SGMS1: variants seen among roughly 807,000 people sequenced by gnomAD.
SGMS1 encodes sphingomyelin synthase 1.
Under a neutral mutation model 46.2 loss-of-function variants are expected in SGMS1, and 13 were observed. The observed-to-expected ratio is 0.28, with a 90% CI of 0.18 to 0.45. The LOEUF is 0.45. SGMS1 is among the 20% of genes least tolerant of loss of function. The probability of loss-of-function intolerance (pLI) is 1.00; values close to 1 mark genes in which losing one functional copy is unlikely to be tolerated. For missense variants in SGMS1, 324 were observed against 519.9 expected, an observed-to-expected ratio of 0.62 and a Z score of 3.66; for synonymous variants, 203 against 187.8, an observed-to-expected ratio of 1.08 and a Z score of -0.66.
chr10:50,456,744 G>A (rs1588837117), intron 5 of SGMS1, among the ~76,000 whole-genome samples: 1 of 152,316 alleles, frequency 6.6e-6, no homozygotes. Context: ...AAGTAGTAAA[G>A]CCAACTAGGA....
chr10:50,464,484 G>A (rs2133691387), intron 4 of SGMS1, among the ~76,000 whole-genome samples: 1 of 152,352 alleles, frequency 6.6e-6, no homozygotes, highest in South Asian at 2.1e-4. Context: ...CCAGGCTGGA[G>A]TGCAGTGGCA....
At chr10:50,446,840 T>C (rs1049284765) in intron 5 of SGMS1, among the ~76,000 whole-genome samples, 1 of 152,222 alleles carries the variant, frequency 6.6e-6, no homozygotes, top group Admixed American at 6.5e-5. Flanking sequence ...GTATAAATTA[T>C]ACCTAAATTT....
At chr10:50,556,029 G>A (rs1838186597) in intron 2 of SGMS1, among the ~76,000 whole-genome samples, 1 of 152,096 alleles carries the variant, frequency 6.6e-6, no homozygotes, top group Admixed American at 6.6e-5. Context: ...CATTCCCAAA[G>A]GAGATGCATC....
At chr10:50,401,540 TG>T (rs1848940723) in intron 6 of SGMS1, among the ~76,000 whole-genome samples, 2 of 152,154 alleles carry the variant, frequency 1.3e-5, no homozygotes, top group African/African-American at 4.8e-5. Flanking sequence ...CCCTCTAGTT[TG>T]ATTCTCAGGT....
At position 50,343,939 on chromosome 10, in the gene SGMS1, C is replaced by T. The variant is rs1291676014; in HGVS notation, c.176G>A (p.Arg59Gln). 11 of 1,613,836 alleles carry T rather than the reference C, an allele frequency of 6.8e-6. No homozygotes were observed. The highest frequency in any genetic ancestry group is 4.4e-5 in the South Asian group (4 of 91,080). The stretch of plus-strand genomic sequence containing the variant: ...CAGGGTTTCTATCATGTCCAGGAGC[C>T]GCTGCCCATTGTCAGAGGAGACTCG... ...LCRVSSDNGQ[R>Q]LLDMIETLKM... The change falls in exon 7 of 11, where the codon CGG (arginine) becomes CAG (glutamine). Residue 59 changes from arginine to glutamine, a missense_variant. By Grantham distance (43) the Arg-to-Gln change is conservative. Around this residue, in one of 2 missense-constraint regions of SGMS1, gnomAD observed 150 missense variants for 169.8 expected, o/e 0.88. Transcript: ENST00000361781.
intron 4 of SGMS1, among the ~76,000 whole-genome samples, 172 bp from the exon 5 acceptor site, chr10:50,460,986 TTTTC>T (rs2133684998): frequency 6.6e-6 from 1 of 151,242 alleles, no homozygotes; most frequent in South Asian, 2.1e-4. Context: ...TCCTCCCATT[TTTTC>T]TTTCTTTTCT....
chr10:50,314,688 C>A (rs1373260880), intron 8 of SGMS1, among the ~76,000 whole-genome samples: 1 of 152,180 alleles, frequency 6.6e-6, no homozygotes, highest in Non-Finnish European at 1.5e-5. Flanking sequence ...GTAATCTCAG[C>A]ACTTTGGGAG....
rs770970070 is a variant in SGMS1, at chr10:50,327,341, A to C, written c.624-19T>G. On this transcript the variant is annotated intron_variant, in intron 7 of 10. Transcript: ENST00000361781. ...AATAGACCTAGAAAAAGGGAAAAAC[A>C]GGGCAGATTCTCAGTCAAGAAATTC... is the stretch of plus-strand genomic sequence containing the variant. 5.8e-6 allele frequency: 8 copies of C among 1,383,062 alleles called. No individual in the cohort carries two copies. The highest frequency in any genetic ancestry group is 8.2e-6 in the Non-Finnish European group (8 of 975,630). 85.7% of individuals were successfully genotyped at this position (1,383,062 alleles called of 1,614,324 possible).
At chr10:50,613,883 G>A (rs1838772703) in intron 1 of SGMS1, among the ~76,000 whole-genome samples, 1 of 152,222 alleles carries the variant, frequency 6.6e-6, no homozygotes, top group Admixed American at 6.5e-5. Flanking sequence ...AATGTGTGTA[G>A]GTGCTGTACT....
chr10:50,320,054 C>T (rs1847415448), intron 8 of SGMS1, among the ~76,000 whole-genome samples: 1 of 152,142 alleles, frequency 6.6e-6, no homozygotes. Context: ...TAGAGTCATA[C>T]ATGGTTAGCT....
At chr10:50,608,036 G>A (rs7093159) in intron 1 of SGMS1, among the ~76,000 whole-genome samples, 8,928 of 152,216 alleles carry the variant, frequency 0.059, 737 homozygotes, top group East Asian at 0.36. Flanking sequence ...TCAAGTCCCT[G>A]TACCACAATG....
intron 2 of SGMS1, among the ~76,000 whole-genome samples, chr10:50,573,224 C>T (rs993490576): frequency 4.6e-5 from 7 of 152,228 alleles, no homozygotes; most frequent in East Asian, 1.9e-4. Context: ...TGGTACGAGA[C>T]GTCCCAGCCA....
At chr10:50,507,585 C>T (rs1837718325) in intron 3 of SGMS1, among the ~76,000 whole-genome samples, 1 of 152,158 alleles carries the variant, frequency 6.6e-6, no homozygotes, top group Non-Finnish European at 1.5e-5. Flanking sequence ...ACCTGTGCAC[C>T]CTGAACAGCA....
intron 3 of SGMS1, among the ~76,000 whole-genome samples, chr10:50,515,348 A>C (rs1349673895): frequency 6.6e-6 from 1 of 152,170 alleles, no homozygotes; most frequent in Non-Finnish European, 1.5e-5. Flanking sequence ...GTGTCTCTGC[A>C]TTGTTTTGAT....
chr10:50,436,493 G>C (rs1488719126), intron 5 of SGMS1, among the ~76,000 whole-genome samples: 1 of 152,174 alleles, frequency 6.6e-6, no homozygotes, highest in Non-Finnish European at 1.5e-5. Flanking sequence ...CAGAACACTG[G>C]CGGTATCACT....
intron 1 of SGMS1, among the ~76,000 whole-genome samples, chr10:50,611,733 C>T (rs565760176): frequency 6.6e-6 from 1 of 152,300 alleles, no homozygotes; most frequent in South Asian, 2.1e-4. Flanking sequence ...AGCATCTCTG[C>T]TCTCCAGTCA....
intron 2 of SGMS1, among the ~76,000 whole-genome samples, chr10:50,569,094 T>C (rs150811855): frequency 0.012 from 1,894 of 151,886 alleles, 46 homozygotes; most frequent in African/African-American, 0.044. Context: ...TAAGTGGGAA[T>C]TGAACAATGA....
At chr10:50,609,031 T>G (rs1471986786) in intron 1 of SGMS1, among the ~76,000 whole-genome samples, 1 of 152,144 alleles carries the variant, frequency 6.6e-6, no homozygotes, top group African/African-American at 2.4e-5. Context: ...GTCGCCCAGT[T>G]TGGAGTACAG....
chr10:50,607,938 C>A (rs1838712546), intron 1 of SGMS1, among the ~76,000 whole-genome samples: 1 of 152,188 alleles, frequency 6.6e-6, no homozygotes, highest in African/African-American at 2.4e-5. Context: ...AAGTAAAGGC[C>A]TTGCTCCTCC....
Sources: gnomAD v4.1 joint callset for allele counts (sites outside exome capture counted in the v4.1 genomes callset) on GRCh38, gnomAD v4.1.1 for gene constraint, gnomAD v4.1.1 regional missense constraint, MANE v1.5 for transcripts, NCBI Gene and HGNC (gene_info 2026-07-23, HGNC 2026-07-21) for gene names.